Variants in TRAPPC13 observed in about 807,000 individuals in gnomAD.
TRAPPC13 encodes REV7-interacting novel NHEJ regulator 1.
Under a neutral mutation model 54.0 loss-of-function variants are expected in TRAPPC13, and 39 were observed. The ratio of observed to expected loss-of-function variants is 0.72; its 90% CI spans 0.56 to 0.94. The LOEUF (loss-of-function observed/expected upper bound fraction) is 0.94. Among genes scored for constraint, TRAPPC13 ranks in the 40% least tolerant of loss-of-function variants. The probability of loss-of-function intolerance (pLI) is 0.00; values close to 1 mark genes in which losing one functional copy is unlikely to be tolerated. For synonymous variants in TRAPPC13, 148 were observed against 167.7 expected (o/e 0.88, Z 0.91); for missense variants, 386 against 488.1 (o/e 0.79, Z 1.97).
intron 1 of TRAPPC13, chr5:65,630,222 G>A (rs1023255879): frequency 2.0e-6 from 3 of 1,535,880 alleles, no homozygotes; most frequent in Admixed American, 3.9e-5. Flanking sequence ...GGCCAAATAT[G>A]GGTGTTCTGT....
chr5:65,661,839 A>G (rs374721481), intron 10 of TRAPPC13: 1 of 441,262 alleles, frequency 2.3e-6, no homozygotes, highest in Non-Finnish European at 4.0e-6. Context: ...ATTATATAAC[A>G]AAAACAGTCC....
chr5:65,635,886 TAAGTAA>T (rs1755726408), intron 2 of TRAPPC13, 52 bp from the exon 3 acceptor site: 3 of 1,052,494 alleles, frequency 2.9e-6, no homozygotes, highest in Non-Finnish European at 4.1e-6. Context: ...TTTCTTTATA[TAAGTAA>T]AAGTTATTTA....
chr5:65,636,081 C>A, intron 3 of TRAPPC13, 38 bp downstream of exon 3: 1 of 1,330,474 alleles, frequency 7.5e-7, no homozygotes, highest in Non-Finnish European at 1.1e-6. Context: ...CCTTGTAAAG[C>A]CATTACAAAT....
chr5:65,636,269 G>A (rs1057432818), intron 3 of TRAPPC13, among the ~76,000 whole-genome samples: 17 of 151,288 alleles, frequency 1.1e-4, no homozygotes, highest in East Asian at 5.8e-4. Context: ...TCAGCCTTCC[G>A]AGTAGCTGGG....
intron 11 of TRAPPC13, 119 bp downstream of exon 11, chr5:65,662,269 A>G (rs1378371011): frequency 1.6e-6 from 1 of 621,456 alleles, no homozygotes; most frequent in Non-Finnish European, 2.7e-6. Flanking sequence ...GCCTTCTCTG[A>G]TGTTGATATT....
chr5:65,646,038 G>A (rs1251918619), intron 4 of TRAPPC13, among the ~76,000 whole-genome samples: 1 of 152,104 alleles, frequency 6.6e-6, no homozygotes, highest in Non-Finnish European at 1.5e-5. Flanking sequence ...AGCAAGAGAA[G>A]ACGAGGTTCC....
chr5:65,654,060 C>T (rs1756566696), intron 7 of TRAPPC13, among the ~76,000 whole-genome samples: 1 of 152,066 alleles, frequency 6.6e-6, no homozygotes, highest in Non-Finnish European at 1.5e-5. Context: ...CTAGGAGTCA[C>T]ATATTCAGTT....
At chr5:65,645,503 T>G (rs1756156221) in intron 4 of TRAPPC13, among the ~76,000 whole-genome samples, 1 of 151,910 alleles carries the variant, frequency 6.6e-6, no homozygotes, top group African/African-American at 2.4e-5. Flanking sequence ...GGGTTAGAAT[T>G]AACTGCAAAA....
At chr5:65,637,818 T>G in intron 4 of TRAPPC13, 38 bp downstream of exon 4, 1 of 1,339,612 alleles carries the variant, frequency 7.5e-7, no homozygotes, top group Non-Finnish European at 1.0e-6. Context: ...TTTTAGTCTT[T>G]AACAAAGGTT....
At position 65,652,489 on chromosome 5, in the gene TRAPPC13, T is replaced by G. The variant is rs1756503125; in HGVS notation, c.502-12T>G. ...ATAACAATCTCCTGATTGATATGCT[T>G]TATTTAACCAGGTTCTCAAACCATT... On this transcript the variant is annotated splice_polypyrimidine_tract_variant and intron_variant, in intron 6 of 12. Coordinates refer to ENST00000399438, the MANE Select transcript of TRAPPC13 (RefSeq NM_024941.4). 1 of 1,589,674 alleles carries G rather than the reference T, an allele frequency of 6.3e-7. No individual in the cohort carries two copies. Among genetic ancestry groups the G allele is most frequent in the Non-Finnish European group, 8.6e-7 (1 of 1,158,642 alleles).
rs1012666497 is a variant in TRAPPC13 at position 65,640,652 on chromosome 5, G to C, written c.300+2872G>C. On this transcript the variant is annotated intron_variant, in intron 4 of 12. Coordinates refer to ENST00000399438, the MANE Select transcript of TRAPPC13 (RefSeq NM_024941.4). ...TTTGTCTTTCTATGTTGTAAATATT[G>C]AATTTCTTGGAATTCAGTAAATACT... 3.9e-5 allele frequency among the ~76,000 whole-genome samples: 6 copies of C among 152,184 alleles called. No homozygotes were observed. The South Asian group carries it at 1.2e-3, about 32-fold the overall frequency.
chr5:65,664,703 A>G lies in TRAPPC13; in HGVS notation c.*92A>G. 2 of 860,518 alleles carry G rather than the reference A, an allele frequency of 2.3e-6. No homozygotes were observed. Among genetic ancestry groups the G allele is most frequent in the South Asian group, 1.6e-5 (1 of 61,448 alleles). 53.3% of individuals were successfully genotyped at this position (860,518 alleles called of 1,614,324 possible). A position where few individuals can be genotyped will look rare whatever the true frequency, so the allele number is the denominator to read the frequency against. On this transcript the variant is annotated 3_prime_UTR_variant, in exon 13 of 13. Coordinates refer to ENST00000399438, the MANE Select transcript of TRAPPC13 (RefSeq NM_024941.4). ...AATGATGACGTCAACAACGAAGTAAATATGTTACTTAAATTTTCTTTCCTG... is the reference window on the plus strand; with the variant it reads ...AATGATGACGTCAACAACGAAGTAAGTATGTTACTTAAATTTTCTTTCCTG...
intron 7 of TRAPPC13, among the ~76,000 whole-genome samples, chr5:65,653,240 C>G (rs1756536790): frequency 6.6e-6 from 1 of 150,912 alleles, no homozygotes; most frequent in South Asian, 2.1e-4. Context: ...AATCAGATCT[C>G]TTGCTAGCCC....
chr5:65,654,551 T>TA (rs1377451522), intron 7 of TRAPPC13, among the ~76,000 whole-genome samples: 1 of 152,190 alleles, frequency 6.6e-6, no homozygotes, highest in South Asian at 2.1e-4. Flanking sequence ...TGAGGCAGAT[T>TA]ATGTTGACCC....
intron 7 of TRAPPC13, among the ~76,000 whole-genome samples, chr5:65,653,862 C>T (rs931734701): frequency 4.6e-5 from 7 of 152,054 alleles, no homozygotes; most frequent in Non-Finnish European, 5.9e-5. Flanking sequence ...CATTTATTCC[C>T]TCTTTTTTGT....
intron 7 of TRAPPC13, among the ~76,000 whole-genome samples, chr5:65,653,305 A>C (rs1028935776): frequency 7.9e-5 from 12 of 152,114 alleles, no homozygotes; most frequent in Admixed American, 2.0e-4. Context: ...AAGATATCCA[A>C]ATACAGTATT....
intron 9 of TRAPPC13, among the ~76,000 whole-genome samples, chr5:65,659,115 AC>A (rs1431104647): frequency 6.6e-6 from 1 of 151,938 alleles, no homozygotes; most frequent in Admixed American, 6.6e-5. Context: ...TAGAATTCAC[AC>A]TTTTTGTTGT....
chr5:65,655,590 AT>A, intron 7 of TRAPPC13, 45 bp from the exon 8 acceptor site: 1 of 688,566 alleles, frequency 1.5e-6, no homozygotes, highest in South Asian at 4.3e-5. Flanking sequence ...TTTCTTTAAC[AT>A]TTAACTCTGA....
chr5:65,640,295 T>C (rs1249956080), intron 4 of TRAPPC13, among the ~76,000 whole-genome samples: 1 of 152,198 alleles, frequency 6.6e-6, no homozygotes, highest in Non-Finnish European at 1.5e-5. Context: ...CCCAGTGCTT[T>C]GGGAGCCAAG....
Sources: gnomAD v4.1 joint callset for allele counts (sites outside exome capture counted in the v4.1 genomes callset) on GRCh38, gnomAD v4.1.1 for gene constraint, MANE v1.5 for transcripts, NCBI Gene and HGNC (gene_info 2026-07-23, HGNC 2026-07-21) for gene names.